LSM12: variants seen among roughly 807,000 people sequenced by gnomAD.
LSM12 encodes the protein protein LSM12.
For missense variants in LSM12, 108 were observed against 238.9 expected, an observed-to-expected ratio of 0.45 and a Z score of 3.61; for synonymous variants, 74 against 87.3, an observed-to-expected ratio of 0.85 and a Z score of 0.85.
At chr17:44,043,548 CTTTTT>C in intron 2 of LSM12, among the ~76,000 whole-genome samples, 1 of 134,222 alleles carries the variant, frequency 7.5e-6, no homozygotes, top group African/African-American at 2.7e-5. Context: ...GAGGAGTTTC[CTTTTT>C]TTTTTTTTTT....
At chr17:44,055,454 G>C (rs1171729868) in intron 2 of LSM12, among the ~76,000 whole-genome samples, 2 of 145,698 alleles carry the variant, frequency 1.4e-5, no homozygotes, top group African/African-American at 5.1e-5. Flanking sequence ...CTGAGCTCAG[G>C]AGTTCAAGAC....
intron 2 of LSM12, among the ~76,000 whole-genome samples, chr17:44,057,578 G>A (rs1023820368): frequency 6.6e-6 from 1 of 150,980 alleles, no homozygotes; most frequent in African/African-American, 2.4e-5. Flanking sequence ...TGGCCAAGAT[G>A]GTGAAACCCT....
chr17:44,066,707 T>G, upstream of LSM12: 1 of 1,197,092 alleles, frequency 8.4e-7, no homozygotes, highest in Middle Eastern at 3.3e-4. Flanking sequence ...CGCCGGGGCG[T>G]GGCCTGGCGC....
chr17:44,040,061 A>C, intron 3 of LSM12, 86 bp downstream of exon 3: 1 of 1,001,312 alleles, frequency 1.0e-6, no homozygotes, highest in Non-Finnish European at 1.5e-6. Flanking sequence ...GACTTTTAGG[A>C]AGACAACCAC....
intron 2 of LSM12, among the ~76,000 whole-genome samples, chr17:44,043,409 T>C (rs867918994): frequency 2.6e-5 from 4 of 152,320 alleles, no homozygotes; most frequent in African/African-American, 9.6e-5. Flanking sequence ...GCTGACAGCA[T>C]TCCAAGCAGT....
chr17:44,044,960 G>A (rs1286334748), intron 2 of LSM12, among the ~76,000 whole-genome samples: 1 of 152,188 alleles, frequency 6.6e-6, no homozygotes, highest in Non-Finnish European at 1.5e-5. Context: ...AATAAAAGCT[G>A]CCCTCAGTAG....
intron 2 of LSM12, among the ~76,000 whole-genome samples, chr17:44,048,671 T>C (rs2049604102): frequency 6.6e-6 from 1 of 151,972 alleles, no homozygotes. Context: ...CCAAGAAGCA[T>C]AAACTTACAA....
Position 44,066,412 on chromosome 17 carries a change from C to T in LSM12, c.124+52G>A, listed in dbSNP as rs947502977. 8 of 1,518,574 alleles carry T rather than the reference C, an allele frequency of 5.3e-6. No individual in the cohort carries two copies. The African/African-American group carries it at 1.2e-4, about 22-fold the overall frequency. 94.1% of individuals were successfully genotyped at this position (1,518,574 alleles called of 1,614,324 possible). On this transcript the variant is annotated intron_variant, in intron 1 of 4. Coordinates refer to ENST00000293406, the MANE Select transcript of LSM12 (RefSeq NM_001371445.1). ...GCCGCCGTCGTCCCCCACCCCCCGA[C>T]CACCGCACCTACACGCCGGCCCGGA...
At chr17:44,050,944 G>A (rs1332529239) in intron 2 of LSM12, among the ~76,000 whole-genome samples, 1 of 152,074 alleles carries the variant, frequency 6.6e-6, no homozygotes, top group Non-Finnish European at 1.5e-5. Flanking sequence ...ACCAGCCTGG[G>A]CAACATGGCA....
In LSM12 at chr17:44,039,319, T is replaced by C. The variant is rs112157463; in HGVS notation, c.368+828A>G. 1.8e-3 allele frequency among the ~76,000 whole-genome samples: 275 copies of C among 149,264 alleles called. 1 individual carries two copies. The highest frequency in any genetic ancestry group is 6.5e-3 in the African/African-American group (263 of 40,648). ...AACCGCCCACCTCGGCCTCCCAAAGTGCTGGGATTACAGGCGTGAGCCACC... is the reference window on the plus strand; with the variant it reads ...AACCGCCCACCTCGGCCTCCCAAAGCGCTGGGATTACAGGCGTGAGCCACC... On this transcript the variant is annotated intron_variant, in intron 3 of 4. Transcript: ENST00000293406.
In LSM12 at chr17:44,063,448, G is replaced by A. The variant is rs114760682; in HGVS notation, c.258+353C>T. ...TCAAGCAGAAAATGCATATATTCAC[G>A]TATGCACACATCCACATATACACAA... On this transcript the variant is annotated intron_variant, in intron 2 of 4. Transcript: ENST00000293406. 8.5e-3 allele frequency among the ~76,000 whole-genome samples: 1,288 copies of A among 151,198 alleles called. 18 individuals carry two copies. The highest frequency in any genetic ancestry group is 0.03 in the African/African-American group (1,221 of 41,150).
intron 2 of LSM12, among the ~76,000 whole-genome samples, chr17:44,050,587 A>C (rs977409020): frequency 4.7e-5 from 7 of 150,480 alleles, no homozygotes; most frequent in Admixed American, 1.3e-4. Context: ...ATGTAGGCTC[A>C]CTATAACCTC....
At chr17:44,063,501 C>A (rs1337800700) in intron 2 of LSM12, among the ~76,000 whole-genome samples, 1 of 152,000 alleles carries the variant, frequency 6.6e-6, no homozygotes, top group African/African-American at 2.4e-5. Flanking sequence ...GTAACGCCAC[C>A]ACCCAAACCC....
At chr17:44,040,111 A>AC in intron 3 of LSM12, 36 bp downstream of exon 3, 1 of 1,512,046 alleles carries the variant, frequency 6.6e-7, no homozygotes, top group Non-Finnish European at 9.2e-7. Context: ...AGGTAGCATT[A>AC]CCCCAGGACA....
intron 2 of LSM12, among the ~76,000 whole-genome samples, chr17:44,058,907 A>C (rs2049757923): frequency 6.6e-6 from 1 of 152,042 alleles, no homozygotes; most frequent in African/African-American, 2.4e-5. Flanking sequence ...GGCGAGGTGG[A>C]AAGATCACTT....
At chr17:44,051,902 G>A (rs543597406) in intron 2 of LSM12, among the ~76,000 whole-genome samples, 2 of 152,102 alleles carry the variant, frequency 1.3e-5, no homozygotes, top group South Asian at 2.1e-4. Flanking sequence ...GAGGTCACGA[G>A]TTCAAGACCA....
intron 2 of LSM12, among the ~76,000 whole-genome samples, chr17:44,051,564 A>AAT (rs143395192): frequency 4.8e-4 from 73 of 150,670 alleles, no homozygotes; most frequent in East Asian, 2.1e-3. Context: ...GGGAGGGGGA[A>AAT]ATATATATAT....
chr17:44,063,110 C>T (rs550287755), intron 2 of LSM12, among the ~76,000 whole-genome samples: 1 of 151,922 alleles, frequency 6.6e-6, no homozygotes, highest in African/African-American at 2.4e-5. Flanking sequence ...AAAAGAAAGA[C>T]TTGGGCAGGC....
chr17:44,057,449 A>AGACTTCAT (rs1050240191), intron 2 of LSM12, among the ~76,000 whole-genome samples: 3 of 150,206 alleles, frequency 2.0e-5, no homozygotes, highest in African/African-American at 7.3e-5. Context: ...TGCCTGGGTG[A>AGACTTCAT]GACTTCATCT....
Sources: allele counts gnomAD v4.1 joint callset (sites outside exome capture counted in the v4.1 genomes callset), GRCh38; gene constraint gnomAD v4.1.1; transcripts MANE v1.5; gene names NCBI Gene and HGNC (gene_info 2026-07-23, HGNC 2026-07-21).